The following FAM120C variants were observed in gnomAD, a reference collection of about 807,000 sequenced individuals.
FAM120C encodes the protein constitutive coactivator of PPAR-gamma-like protein 2.
FAM120C carries 14 observed loss-of-function variants against 71.2 expected under a neutral mutation model. That is an observed-to-expected ratio of 0.20 (90% CI 0.13 to 0.31). FAM120C has a LOEUF of 0.31. Ranked by LOEUF, FAM120C falls within the 10% of genes least tolerant of loss-of-function variation. The probability of loss-of-function intolerance (pLI) is 1.00; values close to 1 mark genes in which losing one functional copy is unlikely to be tolerated. For synonymous variants in FAM120C, 354 were observed against 353.2 expected, an observed-to-expected ratio of 1.00 and a Z score of -0.03; for missense variants, 500 against 879.0, an observed-to-expected ratio of 0.57 and a Z score of 5.45.
chrX:54,102,779 G>A (rs1557124308), intron 10 of FAM120C, among the ~76,000 whole-genome samples: 3 of 86,542 alleles, frequency 3.5e-5, no homozygotes, highest in African/African-American at 1.3e-4. Flanking sequence ...GAGTGCAGTG[G>A]CGCGATCTCA....
In FAM120C at chrX:54,104,154, G is replaced by A. The variant is rs782333741; in HGVS notation, c.2312+12391C>T. Reference sequence around the variant, plus strand: ...CATGCCTCTCCCATTCAGCAGGGCTGCCCCTCACCTCCCCTCCAGAAGCCT... The same window carrying A: ...CATGCCTCTCCCATTCAGCAGGGCTACCCCTCACCTCCCCTCCAGAAGCCT... On this transcript the variant is annotated intron_variant, in intron 10 of 15. Coordinates refer to ENST00000375180, the MANE Select transcript of FAM120C (RefSeq NM_017848.6). Among the ~76,000 whole-genome samples, 26 of 111,861 alleles carry A rather than the reference G, an allele frequency of 2.3e-4. No homozygotes were observed. In the South Asian group the frequency reaches 9.3e-3, roughly 40 times the overall value.
chrX:54,104,587 C>T (rs1557124537), intron 10 of FAM120C, among the ~76,000 whole-genome samples: 1 of 111,148 alleles, frequency 9.0e-6, no homozygotes, highest in African/African-American at 3.3e-5. Flanking sequence ...GCGGGCAGAT[C>T]GCCTGAGGTC....
At chrX:54,091,906 C>T (rs1250616434) in intron 10 of FAM120C, among the ~76,000 whole-genome samples, 5 of 110,785 alleles carry the variant, frequency 4.5e-5, no homozygotes, top group South Asian at 3.9e-4. Context: ...TGACAGGAGG[C>T]GAGATTAGGA....
intron 4 of FAM120C, among the ~76,000 whole-genome samples, chrX:54,149,512 G>A (rs1450670217): frequency 2.7e-5 from 3 of 110,553 alleles, no homozygotes; most frequent in Non-Finnish European, 3.8e-5. Context: ...GGTGGCGGGC[G>A]CCTGTAATTC....
intron 4 of FAM120C, among the ~76,000 whole-genome samples, chrX:54,146,015 G>C: frequency 9.0e-6 from 1 of 111,702 alleles, no homozygotes; most frequent in South Asian, 3.8e-4. Flanking sequence ...TAGGGACATG[G>C]ATGAAGCTGG....
intron 1 of FAM120C, among the ~76,000 whole-genome samples, chrX:54,181,722 A>G (rs1168240999): frequency 8.9e-6 from 1 of 112,137 alleles, no homozygotes; most frequent in Non-Finnish European, 1.9e-5. Context: ...CTTTAGTCCA[A>G]AGATATCCCA....
At position 54,157,546 on chromosome X, in the gene FAM120C, C is replaced by T. The variant is rs1293006398; in HGVS notation, c.1029+143G>A. On this transcript the variant is annotated intron_variant, in intron 3 of 15. Transcript: ENST00000375180. Reference sequence around the variant, plus strand: ...CTGGGATTACAGGTGTGAGTCACCACCGCACCTGGCCATAACTAATATTTT... The same window carrying T: ...CTGGGATTACAGGTGTGAGTCACCATCGCACCTGGCCATAACTAATATTTT... 6.5e-6 allele frequency: 3 copies of T among 459,608 alleles called. No individual in the cohort carries two copies. The African/African-American group carries it at 7.4e-5, about 11-fold the overall frequency. 37.9% of individuals were successfully genotyped at this position (459,608 alleles called of 1,213,427 possible). A position where few individuals can be genotyped will look rare whatever the true frequency, so the allele number is the denominator to read the frequency against.
At chrX:54,116,045 C>A (rs1423842487) in intron 10 of FAM120C, among the ~76,000 whole-genome samples, 1 of 111,316 alleles carries the variant, frequency 9.0e-6, no homozygotes, top group African/African-American at 3.3e-5. Flanking sequence ...TACGCCATTG[C>A]ACTCCAACCT....
At chrX:54,157,439 G>C (rs1395366492) in intron 3 of FAM120C, among the ~76,000 whole-genome samples, 1 of 110,866 alleles carries the variant, frequency 9.0e-6, no homozygotes, top group African/African-American at 3.3e-5. Flanking sequence ...ATTTTTAGTA[G>C]AGACGAGGTT....
intron 10 of FAM120C, among the ~76,000 whole-genome samples, chrX:54,114,640 T>C (rs984462271): frequency 5.4e-5 from 6 of 111,375 alleles, no homozygotes; most frequent in Admixed American, 9.6e-5. Flanking sequence ...GGTTTTGCCA[T>C]GTTGGCCAGG....
At chrX:54,116,501 A>G (rs1557126623) in intron 10 of FAM120C, 44 bp downstream of exon 10, 1 of 1,164,887 alleles carries the variant, frequency 8.6e-7, no homozygotes, top group Non-Finnish European at 1.1e-6. Context: ...ATATAAAAAA[A>G]GTAAAAGAGA....
At chrX:54,112,332 G>A (rs1393032244) in intron 10 of FAM120C, among the ~76,000 whole-genome samples, 1 of 110,757 alleles carries the variant, frequency 9.0e-6, no homozygotes, top group Non-Finnish European at 1.9e-5. Flanking sequence ...CAGGAGAATC[G>A]CTTGAACCCG....
chrX:54,156,526 G>C (rs2067210547), intron 3 of FAM120C, among the ~76,000 whole-genome samples: 1 of 107,491 alleles, frequency 9.3e-6, no homozygotes, highest in Non-Finnish European at 1.9e-5. Context: ...TGCCCTGGCT[G>C]CAACAGTCTT....
At chrX:54,118,699 C>CTTTTTTTT (rs1187381929) in intron 9 of FAM120C, among the ~76,000 whole-genome samples, 1,437 of 31,338 alleles carry the variant, frequency 0.046, no homozygotes, top group Non-Finnish European at 0.06. Flanking sequence ...TTCTTTTTTT[C>CTTTTTTTT]TTTTTTTTTT....
intron 10 of FAM120C, 94 bp downstream of exon 10, chrX:54,116,451 C>T (rs782113041): frequency 2.0e-6 from 2 of 1,000,089 alleles, no homozygotes; most frequent in East Asian, 3.3e-5. Flanking sequence ...ATAAAAATTT[C>T]CCCACCTTGA....
At chrX:54,156,881 T>G (rs1367866357) in intron 3 of FAM120C, among the ~76,000 whole-genome samples, 1 of 84,284 alleles carries the variant, frequency 1.2e-5, no homozygotes. Flanking sequence ...AGTAAGACTT[T>G]GCCTCAAAAA....
chrX:54,128,894 A>G (rs2067043456), intron 9 of FAM120C, among the ~76,000 whole-genome samples: 1 of 110,506 alleles, frequency 9.0e-6, no homozygotes, highest in African/African-American at 3.3e-5. Context: ...CACAGCAACC[A>G]TCCGATTTCT....
intron 4 of FAM120C, among the ~76,000 whole-genome samples, chrX:54,143,238 C>T (rs1234810686): frequency 4.1e-5 from 4 of 96,682 alleles, no homozygotes; most frequent in Non-Finnish European, 6.4e-5. Context: ...GACACCCTAA[C>T]ATCACAATTA....
chrX:54,080,023 C>G (rs1363409516), intron 15 of FAM120C, among the ~76,000 whole-genome samples: 3 of 110,116 alleles, frequency 2.7e-5, no homozygotes, highest in Admixed American at 9.9e-5. Context: ...TGGCCTCACT[C>G]GGAAAAGGGT....
Sources: gnomAD v4.1 joint callset for allele counts (sites outside exome capture counted in the v4.1 genomes callset) on GRCh38, gnomAD v4.1.1 for gene constraint, MANE v1.5 for transcripts, NCBI Gene and HGNC (gene_info 2026-07-23, HGNC 2026-07-21) for gene names.